The following DNAAF1 variants were observed in gnomAD, a reference collection of about 807,000 sequenced individuals.
DNAAF1 encodes the protein dynein axonemal assembly factor 1.
DNAAF1 carries 65 observed loss-of-function variants against 71.1 expected under a neutral mutation model. The ratio of observed to expected loss-of-function variants is 0.91; its 90% confidence interval spans 0.75 to 1.12. The LOEUF (loss-of-function observed/expected upper bound fraction) is 1.12. Among genes scored for constraint, DNAAF1 ranks in the 50% most tolerant of loss-of-function variants. DNAAF1 has a pLI of 0.00. For synonymous variants in DNAAF1, 414 were observed against 354.6 expected (o/e 1.17, Z -1.88); for missense variants, 1,178 against 899.8 (o/e 1.31, Z -3.96).
chr16:84,146,315 T>C (rs890762710), intron 1 of DNAAF1, among the ~76,000 whole-genome samples: 4 of 152,174 alleles, frequency 2.6e-5, no homozygotes, highest in East Asian at 1.9e-4. Context: ...TTGATTGAAT[T>C]TGGAGTCTAG....
rs149279818 is a variant in DNAAF1, at chr16:84,176,763, G to A, written c.2065+464G>A. On this transcript the variant is annotated intron_variant, in intron 11 of 11. Coordinates refer to ENST00000378553, the MANE Select transcript of DNAAF1 (RefSeq NM_178452.6). ...GGCTGCTTCACAGTGACCCAGGCCC[G>A]GGTGAATCACAGGCCAGTCCTAGTG... 2.5e-4 allele frequency: 61 copies of A among 247,610 alleles called. 1 individual carries two copies. The East Asian group carries it at 4.9e-3, about 20-fold the overall frequency. 15.3% of individuals were successfully genotyped at this position (247,610 alleles called of 1,614,324 possible).
intron 3 of DNAAF1, among the ~76,000 whole-genome samples, chr16:84,151,355 G>C (rs1254248958): frequency 6.6e-6 from 1 of 152,068 alleles, no homozygotes; most frequent in East Asian, 1.9e-4. Context: ...AGGGATCCAG[G>C]AGCACAAATG....
chr16:84,155,428 T>C (rs984931872), intron 4 of DNAAF1, among the ~76,000 whole-genome samples, 155 bp from the exon 5 acceptor site: 2 of 152,088 alleles, frequency 1.3e-5, no homozygotes, highest in Non-Finnish European at 2.9e-5. Context: ...GGGGTCTCAC[T>C]GTGTTGCCCA....
chr16:84,172,698 A>C (rs941780745), intron 9 of DNAAF1: 1 of 1,210,590 alleles, frequency 8.3e-7, no homozygotes, highest in Non-Finnish European at 1.0e-6. Context: ...TATCTTGCTA[A>C]GTGGTTCTGA....
Position 84,159,676 on chromosome 16 carries a change from GTGTACTGAATTTGA to G in DNAAF1, c.746_759del (p.Val249GlyfsTer10). ...TTGGTTCTGCTTGTCTTCTTGCAGC[GTGTACTGAATTTGA>G]TGGGAAACCCGGTTATCAGACAGAT... On this transcript the variant is annotated frameshift_variant and splice_region_variant, in exon 6 of 12. Transcript: ENST00000378553. LOFTEE classifies it high-confidence loss of function. 6.2e-7 allele frequency: 1 copy of G among 1,610,968 alleles called. No individual in the cohort carries two copies.
intron 3 of DNAAF1, among the ~76,000 whole-genome samples, chr16:84,151,794 C>G (rs557667621): frequency 6.6e-6 from 1 of 152,180 alleles, no homozygotes; most frequent in Admixed American, 6.5e-5. Context: ...CACTTCCAGG[C>G]TCTAGGCCTC....
At position 84,174,552 on chromosome 16, in the gene DNAAF1, G is replaced by A. The variant is rs576850509; in HGVS notation, c.1645-117G>A. The A allele has an allele frequency of 3.0e-5, 48 of 1,592,074 alleles. No individual in the cohort carries two copies. The East Asian group carries it at 1.1e-3, about 36-fold the overall frequency. ...GAACAGGCAGGCGAGTCACCTGAGT[G>A]ATTTGAGTAACTGTAACTAAGGCTG... On this transcript the variant is annotated intron_variant, in intron 9 of 11. Coordinates refer to ENST00000378553, the MANE Select transcript of DNAAF1 (RefSeq NM_178452.6).
chr16:84,173,875 G>T (rs4782590), intron 9 of DNAAF1: 41,784 of 152,410 alleles, frequency 0.27, 6,898 homozygotes, highest in Admixed American at 0.38. Context: ...GAAAAAGAAA[G>T]GGACATAATT....
chr16:84,158,233 A>T (rs1402119085), intron 5 of DNAAF1, among the ~76,000 whole-genome samples: 2 of 152,052 alleles, frequency 1.3e-5, no homozygotes, highest in African/African-American at 4.8e-5. Context: ...AACAAAAAAG[A>T]AACTTATTTT....
chr16:84,155,857 C>A lies in DNAAF1; in HGVS notation c.741+108C>A, dbSNP rs1420627417. The A allele has an allele frequency of 5.8e-6, 8 of 1,377,466 alleles. No homozygotes were observed. The African/African-American group carries it at 1.1e-4, about 20-fold the overall frequency. 85.3% of individuals were successfully genotyped at this position (1,377,466 alleles called of 1,614,324 possible). A position where few individuals can be genotyped will look rare whatever the true frequency, so the allele number is the denominator to read the frequency against. On this transcript the variant is annotated intron_variant, in intron 5 of 11. Transcript: ENST00000378553. ...CTTTTCTCTCCTTCCTGCCTTCCTTCCCTTTTTCACACTTTTTTCCTCTTT... is the reference window on the plus strand; with the variant it reads ...CTTTTCTCTCCTTCCTGCCTTCCTTACCTTTTTCACACTTTTTTCCTCTTT...
rs533673449 is a variant in DNAAF1, at chr16:84,173,534, G to GT, written c.1645-1134dup. ...TGGGTTTCTAGTTTTCTGGAGCTATGTAAAAAAAAGAAACAAAGGCCAGGT... is the reference window on the plus strand; with the variant it reads ...TGGGTTTCTAGTTTTCTGGAGCTATGTTAAAAAAAAGAAACAAAGGCCAGGT... On this transcript the variant is annotated intron_variant, in intron 9 of 11. Coordinates refer to ENST00000378553, the MANE Select transcript of DNAAF1 (RefSeq NM_178452.6). The GT allele has an allele frequency of 4.8e-4, 468 of 984,502 alleles. 8 individuals are homozygous for GT. The African/African-American group carries it at 7.6e-3, about 16-fold the overall frequency. The allele number at this position is 984,502 out of a possible 1,614,324, so 61.0% of individuals were successfully genotyped here.
chr16:84,157,941 C>T (rs2087518344), intron 5 of DNAAF1, among the ~76,000 whole-genome samples: 1 of 152,174 alleles, frequency 6.6e-6, no homozygotes, highest in Admixed American at 6.5e-5. Context: ...GGCACAGTGG[C>T]TCACGCCTGT....
At chr16:84,155,254 G>A (rs1270338885) in intron 4 of DNAAF1, among the ~76,000 whole-genome samples, 2 of 148,488 alleles carry the variant, frequency 1.3e-5, no homozygotes, top group Non-Finnish European at 3.0e-5. Context: ...TTTGAGATGG[G>A]GTCTTGCTCT....
At position 84,145,536 on chromosome 16, in the gene DNAAF1, G is replaced by A; in HGVS notation, c.96G>A (p.Gly32=). The A allele has an allele frequency of 6.4e-7, 1 of 1,552,424 alleles. No homozygotes were observed. Among genetic ancestry groups the A allele is most frequent in the Non-Finnish European group, 8.7e-7 (1 of 1,148,228 alleles). ...PGVEESAGDH[G]SAGRGGCKEE... The stretch of plus-strand genomic sequence containing the variant: ...TGGAGGAGTCTGCGGGTGACCACGG[G>A]AGCGCAGGCCGAGGGGGCTGCAAGG... Residue 32 remains glycine, a synonymous_variant, in exon 1 of 12, where the codon GGG becomes GGA. Coordinates refer to ENST00000378553, the MANE Select transcript of DNAAF1 (RefSeq NM_178452.6).
chr16:84,172,720 A>G, intron 9 of DNAAF1: 1 of 1,177,964 alleles, frequency 8.5e-7, no homozygotes, highest in Non-Finnish European at 1.1e-6. Flanking sequence ...TAGTTGCCTT[A>G]TCCAAATTCG....
chr16:84,152,613 G>A (rs866777173), intron 3 of DNAAF1, among the ~76,000 whole-genome samples: 22 of 140,714 alleles, frequency 1.6e-4, no homozygotes, highest in Non-Finnish European at 2.4e-4. Context: ...GTGCTACCGC[G>A]CTCCAGCCTA....
At chr16:84,169,773 G>A in intron 7 of DNAAF1, 86 bp from the exon 8 acceptor site, 1 of 1,584,746 alleles carries the variant, frequency 6.3e-7, no homozygotes. Context: ...GGTCTCAGAA[G>A]TTTGCTGTGA....
In DNAAF1 at chr16:84,155,656, A is replaced by T. The variant is rs748557934; in HGVS notation, c.648A>T (p.Leu216=). 2 of 1,614,156 alleles carry T rather than the reference A, an allele frequency of 1.2e-6. No homozygotes were observed. The highest frequency in any genetic ancestry group is 1.7e-6 in the Non-Finnish European group (2 of 1,180,030). ...HLETVEDIQH[L]QECLRLCVLD... is the part of the protein sequence containing the mutation. ...AGACCGTGGAGGACATTCAGCATCT[A>T]CAAGAGTGTTTGAGGCTTTGTGTCC... Residue 216 remains leucine (L), a synonymous_variant, in exon 5 of 12, where the codon CTA becomes CTT. Coordinates refer to ENST00000378553, the MANE Select transcript of DNAAF1 (RefSeq NM_178452.6).
intron 8 of DNAAF1, among the ~76,000 whole-genome samples, chr16:84,170,980 A>C (rs971212059): frequency 6.6e-6 from 1 of 152,230 alleles, no homozygotes; most frequent in Non-Finnish European, 1.5e-5. Context: ...GAGCTATTTT[A>C]CTTTTTTCAA....
Sources: gnomAD v4.1 joint callset for allele counts (sites outside exome capture counted in the v4.1 genomes callset) on GRCh38, gnomAD v4.1.1 for gene constraint, MANE v1.5 for transcripts, NCBI Gene and HGNC (gene_info 2026-07-23, HGNC 2026-07-21) for gene names.